MACROD2: variants seen among roughly 807,000 people sequenced by gnomAD.
MACROD2 encodes the protein mono-ADP ribosylhydrolase 2, also known as ADP-ribose glycohydrolase MACROD2.
MACROD2 carries 36 observed loss-of-function variants against 70.4 expected under a neutral mutation model. The observed-to-expected ratio is 0.51, with a 90% CI of 0.39 to 0.68. The LOEUF (loss-of-function observed/expected upper bound fraction) is 0.68. Among genes scored for constraint, MACROD2 ranks in the 30% least tolerant of loss-of-function variants. The pLI, the probability that MACROD2 is intolerant of heterozygous loss-of-function variation, is 0.00. For missense variants in MACROD2, 496 were observed against 538.4 expected (o/e 0.92, Z 0.78); for synonymous variants, 172 against 178.8 (o/e 0.96, Z 0.30).
chr20:15,599,316 C>T (rs924073839), intron 8 of MACROD2, among the ~76,000 whole-genome samples: 2 of 152,026 alleles, frequency 1.3e-5, no homozygotes, highest in East Asian at 1.9e-4. Context: ...CGCTTGAACC[C>T]GGGAGGCAGA....
rs530635452 is a variant in MACROD2, at chr20:15,893,703, A to G, written c.775+7892A>G. On this transcript the variant is annotated intron_variant, in intron 10 of 17. Coordinates refer to ENST00000684519, the MANE Select transcript of MACROD2 (RefSeq NM_001351661.2). Reference sequence around the variant, plus strand: ...AGACCCAGAAGCGATAGAGCAGTACAAAATTTTAAAGGGAGCATATTTACG... The same window carrying G: ...AGACCCAGAAGCGATAGAGCAGTACGAAATTTTAAAGGGAGCATATTTACG... The G allele has an allele frequency of 2.2e-4, 100 of 456,736 alleles. 1 individual carries two copies. The highest frequency in any genetic ancestry group is 1.9e-3 in the African/African-American group (94 of 50,214). 28.3% of individuals were successfully genotyped at this position (456,736 alleles called of 1,614,324 possible).
intron 6 of MACROD2, among the ~76,000 whole-genome samples, chr20:15,366,398 G>A (rs760461403): frequency 6.6e-6 from 1 of 152,100 alleles, no homozygotes; most frequent in African/African-American, 2.4e-5. Flanking sequence ...TTTAAAAAAT[G>A]TTCACATATT....
chr20:15,531,935 C>T (rs1189862267), intron 8 of MACROD2, among the ~76,000 whole-genome samples: 4 of 152,072 alleles, frequency 2.6e-5, no homozygotes, highest in Admixed American at 6.5e-5. Flanking sequence ...AAATAAAATT[C>T]GTGTGTCTTT....
At chr20:14,234,050 T>C (rs572581395) in intron 3 of MACROD2, among the ~76,000 whole-genome samples, 23 of 152,296 alleles carry the variant, frequency 1.5e-4, no homozygotes, top group Admixed American at 7.2e-4. Context: ...CTCTGGACTT[T>C]AATAAATAAT....
chr20:13,999,569 G>T (rs1414297565), intron 1 of MACROD2, among the ~76,000 whole-genome samples: 1 of 152,096 alleles, frequency 6.6e-6, no homozygotes, highest in Non-Finnish European at 1.5e-5. Context: ...AATACCAGTT[G>T]CCTGGGTTTG....
At chr20:15,131,434 CT>C (rs2076104298) in intron 5 of MACROD2, among the ~76,000 whole-genome samples, 1 of 152,034 alleles carries the variant, frequency 6.6e-6, no homozygotes, top group Non-Finnish European at 1.5e-5. Context: ...AAACAAGTCA[CT>C]TACACCACAA....
At chr20:15,689,650 C>G (rs1195465130) in intron 8 of MACROD2, among the ~76,000 whole-genome samples, 1 of 152,114 alleles carries the variant, frequency 6.6e-6, no homozygotes, top group East Asian at 1.9e-4. Context: ...ACATGGGAGG[C>G]AGCAGGCGAG....
At chr20:14,478,428 T>C (rs1429844090) in intron 3 of MACROD2, among the ~76,000 whole-genome samples, 1 of 152,250 alleles carries the variant, frequency 6.6e-6, no homozygotes, top group South Asian at 2.1e-4. Flanking sequence ...TGTTCCTTTA[T>C]AGGAAATGTT....
chr20:14,460,628 G>A (rs2084357617), intron 3 of MACROD2, among the ~76,000 whole-genome samples: 1 of 152,094 alleles, frequency 6.6e-6, no homozygotes, highest in African/African-American at 2.4e-5. Context: ...TTTTTAGCAT[G>A]AAGGGGTGTT....
chr20:14,669,088 A>G (rs562584988), intron 4 of MACROD2, among the ~76,000 whole-genome samples: 1 of 152,292 alleles, frequency 6.6e-6, no homozygotes, highest in Admixed American at 6.5e-5. Context: ...TTCATGTGAC[A>G]ATCATTCCTT....
At chr20:14,508,500 C>T (rs1485514842) in intron 4 of MACROD2, among the ~76,000 whole-genome samples, 2 of 151,944 alleles carry the variant, frequency 1.3e-5, no homozygotes, top group East Asian at 1.9e-4. Flanking sequence ...TGACAGCGGC[C>T]AACAATAAAC....
intron 6 of MACROD2, among the ~76,000 whole-genome samples, chr20:15,335,476 C>CT (rs11480326): frequency 0.39 from 58,178 of 150,484 alleles, 11,799 homozygotes; most frequent in East Asian, 0.61. Flanking sequence ...TGTAATATTT[C>CT]TTTTTTTTGC....
intron 6 of MACROD2, among the ~76,000 whole-genome samples, chr20:15,331,608 T>C (rs1600251481): frequency 6.6e-6 from 1 of 151,852 alleles, no homozygotes. Context: ...CTCTAAACCA[T>C]ATAAAACTTT....
intron 5 of MACROD2, among the ~76,000 whole-genome samples, chr20:15,156,956 C>T (rs1187526450): frequency 1.3e-5 from 2 of 152,196 alleles, no homozygotes; most frequent in Middle Eastern, 3.2e-3. Context: ...ATCACATTAA[C>T]TTTTTCCTGT....
intron 5 of MACROD2, among the ~76,000 whole-genome samples, chr20:14,787,681 T>C (rs906781130): frequency 1.3e-5 from 2 of 152,112 alleles, no homozygotes; most frequent in Non-Finnish European, 2.9e-5. Flanking sequence ...GGGGAAGCCA[T>C]GTTCCCGTGT....
chr20:14,936,456 C>T (rs2074341088), intron 5 of MACROD2, among the ~76,000 whole-genome samples: 1 of 152,110 alleles, frequency 6.6e-6, no homozygotes, highest in Non-Finnish European at 1.5e-5. Flanking sequence ...TCTATGTCCC[C>T]ACAAGCTTTT....
intron 8 of MACROD2, among the ~76,000 whole-genome samples, chr20:15,836,856 T>C (rs2147124768): frequency 6.6e-6 from 1 of 152,308 alleles, no homozygotes; most frequent in East Asian, 1.9e-4. Context: ...GCTTAGCAAG[T>C]AGACCACAGC....
intron 5 of MACROD2, among the ~76,000 whole-genome samples, chr20:15,174,595 G>A (rs576045465): frequency 6.6e-6 from 1 of 152,164 alleles, no homozygotes; most frequent in African/African-American, 2.4e-5. Flanking sequence ...TTCCACAATG[G>A]TTGAACTAGT....
chr20:15,825,476 A>C (rs1335204761), intron 8 of MACROD2, among the ~76,000 whole-genome samples: 1 of 144,392 alleles, frequency 6.9e-6, no homozygotes, highest in Non-Finnish European at 1.5e-5. Context: ...AATTGTAGAC[A>C]TGATAAAATG....
Sources: allele counts gnomAD v4.1 joint callset (sites outside exome capture counted in the v4.1 genomes callset), GRCh38; gene constraint gnomAD v4.1.1; transcripts MANE v1.5; gene names NCBI Gene and HGNC (gene_info 2026-07-23, HGNC 2026-07-21).